KSR1: variants seen among roughly 807,000 people sequenced by gnomAD.
The protein encoded by KSR1 is kinase suppressor of ras.
A neutral mutation model predicts 92.9 loss-of-function variants in KSR1; 35 were observed. That is an observed-to-expected ratio of 0.38 (90% CI 0.29 to 0.50). KSR1 has a LOEUF of 0.50. Among genes scored for constraint, KSR1 ranks in the 20% least tolerant of loss-of-function variants. The pLI, the probability that KSR1 is intolerant of heterozygous loss-of-function variation, is 0.94. For synonymous variants in KSR1, 467 were observed against 472.6 expected (o/e 0.99, Z 0.15); for missense variants, 972 against 1,158.5 (o/e 0.84, Z 2.34).
At chr17:27,560,487 G>A (rs1250795386) in intron 2 of KSR1, 2 of 518,848 alleles carry the variant, frequency 3.9e-6, no homozygotes, top group African/African-American at 1.9e-5. Flanking sequence ...ATCCTGACTG[G>A]ACATGTTTCT....
chr17:27,595,799 G>T (rs1226245202), intron 9 of KSR1, among the ~76,000 whole-genome samples: 2 of 151,968 alleles, frequency 1.3e-5, no homozygotes, highest in Non-Finnish European at 1.5e-5. Flanking sequence ...GGAGCTGTGA[G>T]ATGCTGGTGC....
Position 27,608,097 on chromosome 17 carries a change from G to A in KSR1, c.2091+87G>A. On this transcript the variant is annotated intron_variant, in intron 15 of 20. Transcript: ENST00000644974. Reference sequence around the variant, plus strand: ...CCTCTCGCCCTGTTACTCCCTGTTAGGGTGGTTTGGGCAGCTTTGCCTCTC... The same window carrying A: ...CCTCTCGCCCTGTTACTCCCTGTTAAGGTGGTTTGGGCAGCTTTGCCTCTC... 5 of 972,896 alleles carry A rather than the reference G, an allele frequency of 5.1e-6. No homozygotes were observed. The East Asian group carries it at 1.3e-4, about 26-fold the overall frequency. 60.3% of individuals were successfully genotyped at this position (972,896 alleles called of 1,614,324 possible).
chr17:27,518,656 G>T (rs911676992), intron 1 of KSR1, among the ~76,000 whole-genome samples: 3 of 152,206 alleles, frequency 2.0e-5, no homozygotes, highest in Middle Eastern at 3.2e-3. Context: ...GTGCTGACAA[G>T]TTCTGTGGGA....
chr17:27,514,672 A>G (rs1230720907), intron 1 of KSR1, among the ~76,000 whole-genome samples: 2 of 151,524 alleles, frequency 1.3e-5, no homozygotes, highest in Non-Finnish European at 2.9e-5. Context: ...AAAAAAAAAA[A>G]AAAGAAAAGA....
At chr17:27,579,911 A>AAAAAAAAAAAT (rs35343726) in intron 3 of KSR1, 1 of 149,294 alleles carries the variant, frequency 6.7e-6, no homozygotes, top group African/African-American at 2.5e-5. Flanking sequence ...AAAAAAAAAA[A>AAAAAAAAAAAT]GTGAGTGAAG....
intron 2 of KSR1, among the ~76,000 whole-genome samples, chr17:27,567,862 T>G (rs1034330899): frequency 6.6e-6 from 1 of 152,174 alleles, no homozygotes; most frequent in Non-Finnish European, 1.5e-5. Flanking sequence ...CCAGGCAGGT[T>G]TTCTCCTCTG....
chr17:27,508,982 T>A (rs1434988195), intron 1 of KSR1, among the ~76,000 whole-genome samples: 6 of 151,892 alleles, frequency 4.0e-5, no homozygotes, highest in Admixed American at 3.9e-4. Context: ...CCACCCACCT[T>A]GACCTCCCAA....
intron 1 of KSR1, among the ~76,000 whole-genome samples, chr17:27,531,841 C>T (rs773859336): frequency 1.3e-5 from 2 of 152,178 alleles, no homozygotes; most frequent in Non-Finnish European, 2.9e-5. Context: ...CACCCACCTC[C>T]CCAGATGAAA....
At chr17:27,590,973 A>G in intron 7 of KSR1, 79 bp downstream of exon 7, 1 of 1,227,830 alleles carries the variant, frequency 8.1e-7, no homozygotes, top group East Asian at 2.5e-5. Context: ...TATGCTTGCT[A>G]TTCATAGTCC....
chr17:27,509,286 G>A (rs986766059), intron 1 of KSR1, among the ~76,000 whole-genome samples: 1 of 151,874 alleles, frequency 6.6e-6, no homozygotes, highest in Non-Finnish European at 1.5e-5. Context: ...TGAGTCAGGA[G>A]GATCTTTTTT....
chr17:27,478,452 G>GT (rs1369225420), intron 1 of KSR1, among the ~76,000 whole-genome samples: 1 of 152,176 alleles, frequency 6.6e-6, no homozygotes, highest in Admixed American at 6.5e-5. Context: ...ATTATTTATT[G>GT]TTTTTTGCAT....
intron 1 of KSR1, chr17:27,526,409 G>A (rs2070300949): frequency 1.9e-5 from 29 of 1,524,030 alleles, no homozygotes; most frequent in African/African-American, 4.2e-5. Flanking sequence ...GGAAAGGGCC[G>A]GTTAAATGAG....
At chr17:27,472,191 T>G (rs2020049724) in intron 1 of KSR1, 1 of 152,614 alleles carries the variant, frequency 6.6e-6, no homozygotes, top group Admixed American at 6.5e-5. Context: ...GACTGCGGAC[T>G]CTGATTTGTG....
chr17:27,619,722 G>GT (rs1253020443), intron 19 of KSR1, among the ~76,000 whole-genome samples: 2 of 146,038 alleles, frequency 1.4e-5, no homozygotes, highest in African/African-American at 5.1e-5. Context: ...TTATTTTTTT[G>GT]TTTTTTCTGA....
chr17:27,589,169 T>C (rs1440526698), intron 6 of KSR1, among the ~76,000 whole-genome samples: 2 of 152,198 alleles, frequency 1.3e-5, no homozygotes, highest in Admixed American at 1.3e-4. Flanking sequence ...TATGGATCTC[T>C]GCTACCTTCC....
chr17:27,606,494 C>G (rs777036115), intron 14 of KSR1, among the ~76,000 whole-genome samples: 3 of 152,206 alleles, frequency 2.0e-5, no homozygotes, highest in Non-Finnish European at 4.4e-5. Flanking sequence ...ACCTTGCCTC[C>G]TGCACCCGAT....
intron 18 of KSR1, among the ~76,000 whole-genome samples, chr17:27,616,195 T>TGA (rs2074050009): frequency 3.3e-5 from 5 of 152,208 alleles, no homozygotes; most frequent in Admixed American, 6.5e-5. Flanking sequence ...AAATTTTCTT[T>TGA]TATTATTTCT....
intron 9 of KSR1, among the ~76,000 whole-genome samples, chr17:27,595,289 T>A (rs745501324): frequency 2.0e-5 from 3 of 152,238 alleles, no homozygotes; most frequent in Non-Finnish European, 4.4e-5. Flanking sequence ...GTTGGTCTTT[T>A]GGCCTTGCTG....
chr17:27,608,452 G>A (rs773527947), intron 15 of KSR1, among the ~76,000 whole-genome samples: 2 of 152,190 alleles, frequency 1.3e-5, no homozygotes, highest in Non-Finnish European at 2.9e-5. Context: ...GGTGTTTGAA[G>A]ACAGCTTGAC....
Sources: allele counts gnomAD v4.1 joint callset (sites outside exome capture counted in the v4.1 genomes callset), GRCh38; gene constraint gnomAD v4.1.1; transcripts MANE v1.5; gene names NCBI Gene and HGNC (gene_info 2026-07-23, HGNC 2026-07-21).